The following PHF20L1 variants were observed in gnomAD, a reference collection of about 807,000 sequenced individuals.
The protein encoded by PHF20L1 is PHD finger protein 20-like protein 1.
PHF20L1 carries 44 observed loss-of-function variants against 125.5 expected under a neutral mutation model. The observed-to-expected ratio is 0.35, with a 90% CI of 0.28 to 0.45. The LOEUF is 0.45. Ranked by LOEUF, PHF20L1 falls within the 20% of genes least tolerant of loss-of-function variation. The pLI, the probability that PHF20L1 is intolerant of heterozygous loss-of-function variation, is 1.00. For missense variants in PHF20L1, 1,012 were observed against 1,217.2 expected, an observed-to-expected ratio of 0.83 and a Z score of 2.51; for synonymous variants, 380 against 403.1, an observed-to-expected ratio of 0.94 and a Z score of 0.69.
At chr8:132,784,295 A>G (rs1830760792) in intron 2 of PHF20L1, among the ~76,000 whole-genome samples, 1 of 151,786 alleles carries the variant, frequency 6.6e-6, no homozygotes, top group South Asian at 2.1e-4. Context: ...TTGAAAAACA[A>G]AAGTATTGGA....
chr8:132,809,695 C>G (rs1834145628), intron 8 of PHF20L1: 1 of 152,112 alleles, frequency 6.6e-6, no homozygotes, highest in Admixed American at 6.5e-5. Flanking sequence ...AAACATGCTT[C>G]CTTTGGAGCA....
Position 132,843,150 on chromosome 8 carries a change from A to G in PHF20L1, c.2748+275A>G. Reference sequence around the variant, plus strand: ...AAGTACATTTCGATGCTTCTAAAAAATGAACCACATTGTATTCAAAACGAA... The same window carrying G: ...AAGTACATTTCGATGCTTCTAAAAAGTGAACCACATTGTATTCAAAACGAA... On this transcript the variant is annotated intron_variant, in intron 19 of 20. Transcript: ENST00000395386. The G allele has an allele frequency of 2.7e-6, 3 of 1,099,476 alleles. No homozygotes were observed. The African/African-American group carries it at 4.9e-5, about 18-fold the overall frequency. The allele number at this position is 1,099,476 out of a possible 1,614,324, so 68.1% of individuals were successfully genotyped here.
rs756873946 is a variant in PHF20L1, at chr8:132,832,365, A to G, written c.1875A>G (p.Pro625=). 1 of 1,612,254 alleles carries G rather than the reference A, an allele frequency of 6.2e-7. No individual in the cohort carries two copies. Among genetic ancestry groups the G allele is most frequent in the South Asian group, 1.1e-5 (1 of 91,034 alleles). Residue 625 remains proline (P), a synonymous_variant, in exon 15 of 21, where the codon CCA becomes CCG. Coordinates refer to ENST00000395386, the MANE Select transcript of PHF20L1 (RefSeq NM_016018.5). ...AGAAAACTACAACCTATCAGTACCC[A>G]AGGGCAATTCTATCCGTTGATCTTA... ...FTEKTTTYQY[P]RAILSVDLSG...
At chr8:132,824,082 T>C in intron 13 of PHF20L1, 22 bp downstream of exon 13, 1 of 1,488,002 alleles carries the variant, frequency 6.7e-7, no homozygotes, top group Non-Finnish European at 9.3e-7. Context: ...AAGTAATCTT[T>C]AAGCAAAAGA....
chr8:132,810,035 C>A (rs1437975184), intron 8 of PHF20L1: 4 of 151,116 alleles, frequency 2.6e-5, no homozygotes, highest in Admixed American at 6.6e-5. Flanking sequence ...TTATATATTA[C>A]AATAAAATAC....
At chr8:132,830,918 G>A (rs190289868) in intron 14 of PHF20L1, among the ~76,000 whole-genome samples, 4 of 152,022 alleles carry the variant, frequency 2.6e-5, no homozygotes, top group East Asian at 3.9e-4. Flanking sequence ...TGTTGCTCAC[G>A]CATAAACCTG....
intron 13 of PHF20L1, 81 bp downstream of exon 13, chr8:132,824,141 A>C: frequency 1.2e-6 from 1 of 825,824 alleles, no homozygotes; most frequent in South Asian, 1.6e-5. Context: ...CTTACTCTTT[A>C]CCAGTTAATG....
intron 12 of PHF20L1, 75 bp from the exon 13 acceptor site, chr8:132,823,929 A>G (rs1835873140): frequency 1.2e-6 from 1 of 827,990 alleles, no homozygotes; most frequent in Non-Finnish European, 2.0e-6. Context: ...TTTATGAGCA[A>G]TTGTAATGTA....
In PHF20L1 at chr8:132,843,830, T is replaced by C. The variant is rs75345595; in HGVS notation, c.2749-326T>C. The C allele has an allele frequency of 4.2e-3, 4,129 of 985,226 alleles. 126 individuals carry two copies. The African/African-American group carries it at 0.064, about 15-fold the overall frequency. The allele number at this position is 985,226 out of a possible 1,614,324, so 61.0% of individuals were successfully genotyped here. On this transcript the variant is annotated intron_variant, in intron 19 of 20. Transcript: ENST00000395386. ...CACTTATATCACCAGCTGAGATTAA[T>C]TGAGGAAGAGGCCAGTCTAAATTAA...
chr8:132,812,359 A>C, intron 9 of PHF20L1: 1 of 984,640 alleles, frequency 1.0e-6, no homozygotes, highest in Non-Finnish European at 1.2e-6. Flanking sequence ...TGCTGAGGTG[A>C]ATGTGATTGT....
chr8:132,817,058 G>C lies in PHF20L1; in HGVS notation c.1354G>C (p.Glu452Gln). 1 of 1,582,782 alleles carries C rather than the reference G, an allele frequency of 6.3e-7. No individual in the cohort carries two copies. Among genetic ancestry groups the C allele is most frequent in the Non-Finnish European group, 8.6e-7 (1 of 1,165,014 alleles). ...VFSISSQNQQ[E>Q]SSVPEVPDVA... Reference sequence around the variant, plus strand: ...CTCCATCAGTTCTCAAAATCAGCAAGAATCTTCAGTACCAGAGGGTAATGT... The same window carrying C: ...CTCCATCAGTTCTCAAAATCAGCAACAATCTTCAGTACCAGAGGGTAATGT... Residue 452 changes from glutamate (E) to glutamine (Q), a missense_variant, in exon 11 of 21, where the codon GAA becomes CAA. Glu to Gln is a conservative substitution (Grantham distance 29). Around this residue, in one of 7 missense-constraint regions of PHF20L1, gnomAD observed 320 missense variants for 293.8 expected, o/e 1.09. Transcript: ENST00000395386.
intron 14 of PHF20L1, among the ~76,000 whole-genome samples, chr8:132,828,640 A>T (rs1217158542): frequency 6.6e-6 from 1 of 152,052 alleles, no homozygotes; most frequent in Non-Finnish European, 1.5e-5. Context: ...TGATTAACAT[A>T]ATTGGTTTAC....
chr8:132,803,273 A>G (rs956595840), intron 6 of PHF20L1, among the ~76,000 whole-genome samples: 1 of 151,798 alleles, frequency 6.6e-6, no homozygotes, highest in Non-Finnish European at 1.5e-5. Flanking sequence ...TCTGAACTTC[A>G]GTAGCTTTAG....
chr8:132,777,759 G>A, intron 1 of PHF20L1, 33 bp from the exon 2 acceptor site: 2 of 949,132 alleles, frequency 2.1e-6, no homozygotes, highest in Non-Finnish European at 3.4e-6. Flanking sequence ...TGCATTTTCT[G>A]CATTGGAATC....
At chr8:132,840,543 T>G (rs1009178842) in intron 18 of PHF20L1, among the ~76,000 whole-genome samples, 3 of 152,156 alleles carry the variant, frequency 2.0e-5, no homozygotes, top group African/African-American at 4.8e-5. Context: ...TGTTGCCCAA[T>G]GGACTGAGTC....
chr8:132,819,809 A>G (rs1835381580), intron 12 of PHF20L1, among the ~76,000 whole-genome samples: 1 of 151,924 alleles, frequency 6.6e-6, no homozygotes, highest in African/African-American at 2.4e-5. Context: ...AACATTCTTT[A>G]CAGTTCGTCA....
intron 17 of PHF20L1, among the ~76,000 whole-genome samples, chr8:132,838,921 A>G (rs749349878): frequency 4.6e-5 from 7 of 152,160 alleles, no homozygotes; most frequent in Non-Finnish European, 8.8e-5. Context: ...GATCTAATTT[A>G]TATTAACATG....
In PHF20L1 at chr8:132,836,287, G is replaced by A. The variant is rs117764941; in HGVS notation, c.1910-253G>A. The A allele has an allele frequency of 6.8e-3, 1,858 of 272,724 alleles. 4 individuals are homozygous for A. Among genetic ancestry groups the A allele is most frequent in the Non-Finnish European group, 9.2e-3 (1,341 of 145,244 alleles). 16.9% of individuals were successfully genotyped at this position (272,724 alleles called of 1,614,324 possible). On this transcript the variant is annotated intron_variant, in intron 15 of 20. Transcript: ENST00000395386. ...CCTTAGCCATAAATTCTGTAAGCAT[G>A]AAGTCTAAAAGACACTTTGAGTTAC...
Position 132,825,340 on chromosome 8 carries a change from GAAAAAA to G in PHF20L1, c.1716_1721del (p.Lys576_Lys577del). 1 of 1,473,714 alleles carries G rather than the reference GAAAAAA, an allele frequency of 6.8e-7. No individual in the cohort carries two copies. Among genetic ancestry groups the G allele is most frequent in the East Asian group, 2.4e-5 (1 of 41,590 alleles). 91.3% of individuals were successfully genotyped at this position (1,473,714 alleles called of 1,614,324 possible). A position where few individuals can be genotyped will look rare whatever the true frequency, so the allele number is the denominator to read the frequency against. On this transcript the variant is annotated inframe_deletion, in exon 14 of 21. Transcript: ENST00000395386. Reference sequence around the variant, plus strand: ...ACTACAGACCAAAACAGAAGAAGAAGAAAAAAAAGAAAAAGAAATCTAAGCAACATG... The same window carrying G: ...ACTACAGACCAAAACAGAAGAAGAAGAAGAAAAAGAAATCTAAGCAACATG...
Sources: gnomAD v4.1 joint callset for allele counts (sites outside exome capture counted in the v4.1 genomes callset) on GRCh38, gnomAD v4.1.1 for gene constraint, gnomAD v4.1.1 regional missense constraint, MANE v1.5 for transcripts, NCBI Gene and HGNC (gene_info 2026-07-23, HGNC 2026-07-21) for gene names.